RNF24: variants seen among roughly 807,000 people sequenced by gnomAD.
The protein encoded by RNF24 is ring finger protein 24.
In RNF24, 14 loss-of-function variants were observed where a neutral mutation model predicts 20.0. The ratio of observed to expected loss-of-function variants is 0.70; its 90% CI spans 0.46 to 1.10. RNF24 has a LOEUF of 1.10. RNF24 is among the 50% of genes least tolerant of loss of function. The probability of loss-of-function intolerance (pLI) is 0.00; values close to 1 mark genes in which losing one functional copy is unlikely to be tolerated. For missense variants in RNF24, 124 were observed against 177.6 expected (o/e 0.70, Z 1.71); for synonymous variants, 45 against 61.1 (o/e 0.74, Z 1.23).
chr20:3,985,979 G>A lies in RNF24; in HGVS notation c.-7-21955C>T, dbSNP rs1351946339. Among the ~76,000 whole-genome samples, 3 of 152,102 alleles carry A rather than the reference G, an allele frequency of 2.0e-5. No individual in the cohort carries two copies. In the South Asian group the frequency reaches 6.2e-4, roughly 31 times the overall value. On this transcript the variant is annotated intron_variant, in intron 1 of 5. Coordinates refer to ENST00000358395, the MANE Select transcript of RNF24 (RefSeq NM_001134337.3). Reference sequence around the variant, plus strand: ...TCTCCTTGAAGACAGTTTGAGGCTGGTCTTGAACTCCTGACCTCAGGCCTT... The same window carrying A: ...TCTCCTTGAAGACAGTTTGAGGCTGATCTTGAACTCCTGACCTCAGGCCTT...
intron 1 of RNF24, among the ~76,000 whole-genome samples, chr20:3,995,769 G>T (rs1360910304): frequency 6.6e-6 from 1 of 151,994 alleles, no homozygotes; most frequent in Non-Finnish European, 1.5e-5. Flanking sequence ...TGGAACAACT[G>T]AGACGATGGG....
chr20:3,968,700 C>G (rs1341635438), intron 1 of RNF24, among the ~76,000 whole-genome samples: 1 of 152,102 alleles, frequency 6.6e-6, no homozygotes, highest in East Asian at 1.9e-4. Flanking sequence ...GAAACACCTT[C>G]TGCAAAATCT....
intron 2 of RNF24, among the ~76,000 whole-genome samples, chr20:3,949,245 T>A (rs1439778660): frequency 1.1e-4 from 17 of 152,096 alleles, no homozygotes. Context: ...CCAGGCATAG[T>A]GGCACATGCC....
At chr20:3,972,941 G>C (rs1004791559) in intron 1 of RNF24, among the ~76,000 whole-genome samples, 2 of 151,444 alleles carry the variant, frequency 1.3e-5, no homozygotes, top group African/African-American at 4.9e-5. Context: ...GATGGCTCAC[G>C]CCTGTAATCT....
At chr20:3,973,023 T>C (rs1350749958) in intron 1 of RNF24, among the ~76,000 whole-genome samples, 1 of 151,292 alleles carries the variant, frequency 6.6e-6, no homozygotes, top group Non-Finnish European at 1.5e-5. Flanking sequence ...GCCAACTAGG[T>C]AAAACCCCGT....
chr20:3,989,704 T>G (rs1415564680), intron 1 of RNF24, among the ~76,000 whole-genome samples: 2 of 152,146 alleles, frequency 1.3e-5, no homozygotes, highest in Non-Finnish European at 2.9e-5. Context: ...AGGGAACTGA[T>G]GTATATCTCT....
At chr20:3,974,349 C>A (rs1276219332) in intron 1 of RNF24, 2 of 1,550,546 alleles carry the variant, frequency 1.3e-6, no homozygotes, top group Non-Finnish European at 1.7e-6. Flanking sequence ...AGACCGGGAA[C>A]AAGGCAGGAT....
chr20:3,952,058 C>T (rs2091087816), intron 2 of RNF24, among the ~76,000 whole-genome samples: 1 of 151,790 alleles, frequency 6.6e-6, no homozygotes, highest in South Asian at 2.1e-4. Flanking sequence ...GTTTTGGGGT[C>T]TGGTAGCAAA....
intron 1 of RNF24, among the ~76,000 whole-genome samples, chr20:3,993,744 C>A (rs746951356): frequency 6.6e-6 from 1 of 152,200 alleles, no homozygotes; most frequent in Non-Finnish European, 1.5e-5. Context: ...GCTGATGCAT[C>A]TTGGATCATC....
intron 1 of RNF24, among the ~76,000 whole-genome samples, chr20:4,004,417 A>G (rs1981675006): frequency 6.6e-6 from 1 of 152,180 alleles, no homozygotes; most frequent in African/African-American, 2.4e-5. Flanking sequence ...TCTTGAGTGG[A>G]TTGAATGGTG....
At chr20:3,973,540 T>G (rs907032932) in intron 1 of RNF24, among the ~76,000 whole-genome samples, 2 of 141,418 alleles carry the variant, frequency 1.4e-5, no homozygotes, top group African/African-American at 5.2e-5. Context: ...AGACACAAAT[T>G]ACCTATATCA....
intron 1 of RNF24, among the ~76,000 whole-genome samples, chr20:4,009,306 A>C (rs1189957101): frequency 6.6e-6 from 1 of 152,184 alleles, no homozygotes; most frequent in African/African-American, 2.4e-5. Context: ...TGTTTGCTGA[A>C]GCTTATTCTG....
intron 4 of RNF24, among the ~76,000 whole-genome samples, chr20:3,943,375 G>A (rs2090980380): frequency 6.6e-6 from 1 of 150,906 alleles, no homozygotes; most frequent in Non-Finnish European, 1.5e-5. Context: ...AACCAGACTA[G>A]CTAAAACAAT....
intron 1 of RNF24, among the ~76,000 whole-genome samples, chr20:3,997,606 T>TC (rs58623068): frequency 6.6e-6 from 1 of 151,948 alleles, no homozygotes; most frequent in Non-Finnish European, 1.5e-5. Flanking sequence ...ATTTTTTTTT[T>TC]CCACAGATGG....
At chr20:3,973,740 G>T (rs1978604461) in intron 1 of RNF24, among the ~76,000 whole-genome samples, 1 of 152,014 alleles carries the variant, frequency 6.6e-6, no homozygotes, top group Admixed American at 6.6e-5. Context: ...CAAAGAAACT[G>T]AATTAGTCAT....
At chr20:4,000,297 G>A (rs1385606780) in intron 1 of RNF24, among the ~76,000 whole-genome samples, 1 of 152,218 alleles carries the variant, frequency 6.6e-6, no homozygotes, top group African/African-American at 2.4e-5. Context: ...GCCGAGGTGG[G>A]TGGGTCACCT....
intron 1 of RNF24, among the ~76,000 whole-genome samples, chr20:4,000,894 C>T (rs1981331890): frequency 1.3e-5 from 2 of 152,300 alleles, no homozygotes; most frequent in East Asian, 3.9e-4. Flanking sequence ...TCAAAACTTA[C>T]TTGAATCCCA....
intron 1 of RNF24, among the ~76,000 whole-genome samples, chr20:3,975,314 C>T (rs1320224104): frequency 6.6e-6 from 1 of 152,006 alleles, no homozygotes. Flanking sequence ...TACAAAAAAC[C>T]TAAGAGAAGA....
intron 2 of RNF24, among the ~76,000 whole-genome samples, chr20:3,954,527 T>C (rs2091119602): frequency 6.6e-6 from 1 of 152,228 alleles, no homozygotes; most frequent in Admixed American, 6.5e-5. Flanking sequence ...GAAACATTTC[T>C]GTACACGTTT....
Sources: gnomAD v4.1 joint callset for allele counts (sites outside exome capture counted in the v4.1 genomes callset) on GRCh38, gnomAD v4.1.1 for gene constraint, MANE v1.5 for transcripts, NCBI Gene and HGNC (gene_info 2026-07-23, HGNC 2026-07-21) for gene names.